STPG2: variants seen among roughly 807,000 people sequenced by gnomAD.
STPG2 encodes sperm tail PG-rich repeat containing 2, also known as sperm-tail PG-rich repeat-containing protein 2.
STPG2 carries 56 observed loss-of-function variants against 54.2 expected under a neutral mutation model. The ratio of observed to expected loss-of-function variants is 1.03; its 90% CI spans 0.83 to 1.29. STPG2 has a LOEUF of 1.29. Among genes scored for constraint, STPG2 ranks in the 50% most tolerant of loss-of-function variants. The pLI, the probability that STPG2 is intolerant of heterozygous loss-of-function variation, is 0.00. For missense variants in STPG2, 596 were observed against 544.9 expected, an observed-to-expected ratio of 1.09 and a Z score of -0.93; for synonymous variants, 200 against 181.8, an observed-to-expected ratio of 1.10 and a Z score of -0.81.
At chr4:97,518,813 C>A (rs1005074635) in intron 4 of STPG2, among the ~76,000 whole-genome samples, 1 of 152,066 alleles carries the variant, frequency 6.6e-6, no homozygotes, top group Non-Finnish European at 1.5e-5. Flanking sequence ...TATTTTGTCA[C>A]ATTAAAACAA....
intron 9 of STPG2, among the ~76,000 whole-genome samples, chr4:97,837,402 T>C: frequency 6.6e-6 from 1 of 151,784 alleles, no homozygotes; most frequent in South Asian, 2.1e-4. Context: ...TTGTTGAGCA[T>C]ACCCCTGCCC....
At chr4:97,474,919 A>G (rs1730033809) in intron 4 of STPG2, among the ~76,000 whole-genome samples, 1 of 152,076 alleles carries the variant, frequency 6.6e-6, no homozygotes, top group Non-Finnish European at 1.5e-5. Context: ...ATTATGTAGT[A>G]TATATAATTC....
intron 9 of STPG2, among the ~76,000 whole-genome samples, chr4:97,741,213 C>T (rs1250772015): frequency 2.0e-5 from 3 of 151,974 alleles, no homozygotes; most frequent in Non-Finnish European, 1.5e-5. Flanking sequence ...AAAATTAATT[C>T]AAGATGGACT....
chr4:98,090,565 C>G (rs1245035105), intron 5 of STPG2, among the ~76,000 whole-genome samples: 1 of 151,608 alleles, frequency 6.6e-6, no homozygotes, highest in Non-Finnish European at 1.5e-5. Context: ...ACATGGATTT[C>G]AGAATTGTTT....
intron 9 of STPG2, among the ~76,000 whole-genome samples, chr4:97,831,014 C>A (rs1241016371): frequency 3.9e-5 from 6 of 152,106 alleles, no homozygotes; most frequent in Admixed American, 3.9e-4. Context: ...AGCTCTGGAC[C>A]AAGTGGACCT....
chr4:97,493,483 T>G (rs975443416), intron 4 of STPG2, among the ~76,000 whole-genome samples: 1 of 151,272 alleles, frequency 6.6e-6, no homozygotes, highest in African/African-American at 2.4e-5. Flanking sequence ...TAGTGGAGTT[T>G]TAAGGGAAGT....
At chr4:97,789,023 T>A (rs1726913228) in intron 9 of STPG2, among the ~76,000 whole-genome samples, 1 of 151,990 alleles carries the variant, frequency 6.6e-6, no homozygotes, top group Non-Finnish European at 1.5e-5. Flanking sequence ...TCTTTTCTAA[T>A]ACAAATGTTA....
In STPG2 at chr4:97,943,885, G is replaced by A. The variant is rs747273101; in HGVS notation, c.1044+12C>T. On this transcript the variant is annotated intron_variant, in intron 8 of 10. Coordinates refer to ENST00000295268, the MANE Select transcript of STPG2 (RefSeq NM_174952.3). Reference sequence around the variant, plus strand: ...AGATAATGAAAATATTTGATTGTAGGAGTATTCTTACCATATCTGGTACTT... The same window carrying A: ...AGATAATGAAAATATTTGATTGTAGAAGTATTCTTACCATATCTGGTACTT... 1 of 1,499,810 alleles carries A rather than the reference G, an allele frequency of 6.7e-7. No individual in the cohort carries two copies. Among genetic ancestry groups the A allele is most frequent in the Non-Finnish European group, 9.0e-7 (1 of 1,116,252 alleles). The allele number at this position is 1,499,810 out of a possible 1,614,324, so 92.9% of individuals were successfully genotyped here.
At chr4:97,448,104 T>C (rs1458804839) in intron 4 of STPG2, among the ~76,000 whole-genome samples, 2 of 152,328 alleles carry the variant, frequency 1.3e-5, no homozygotes, top group South Asian at 2.1e-4. Context: ...ATGGGGCTTA[T>C]AGCCCCTTGG....
intron 9 of STPG2, among the ~76,000 whole-genome samples, chr4:97,719,962 C>T (rs960849124): frequency 3.3e-5 from 5 of 151,882 alleles, no homozygotes; most frequent in Non-Finnish European, 7.4e-5. Context: ...TAACATGAGG[C>T]TGGCAGTATT....
At position 97,919,538 on chromosome 4, in the gene STPG2, T is replaced by C. The variant is rs577394786; in HGVS notation, c.1044+24359A>G. Among the ~76,000 whole-genome samples the C allele has an allele frequency of 6.6e-5, 10 of 152,050 alleles. No individual in the cohort carries two copies. The South Asian group carries it at 2.1e-3, about 32-fold the overall frequency. On this transcript the variant is annotated intron_variant, in intron 8 of 10. Transcript: ENST00000295268. ...TAAACACAAAAAAAAGAAGAGAATGTTATGATTAACTTTAAGCAAATATAT... is the reference window on the plus strand; with the variant it reads ...TAAACACAAAAAAAAGAAGAGAATGCTATGATTAACTTTAAGCAAATATAT...
intron 8 of STPG2, among the ~76,000 whole-genome samples, chr4:97,864,265 T>C (rs1171539263): frequency 6.6e-6 from 1 of 151,698 alleles, no homozygotes; most frequent in Non-Finnish European, 1.5e-5. Context: ...GGATACAAAA[T>C]CAATGTGCAA....
chr4:97,940,454 C>A (rs1387993743), intron 8 of STPG2, among the ~76,000 whole-genome samples: 4 of 152,122 alleles, frequency 2.6e-5, no homozygotes, highest in Non-Finnish European at 5.9e-5. Flanking sequence ...CAGACTTGGC[C>A]TCTTAAAATA....
intron 5 of STPG2, among the ~76,000 whole-genome samples, chr4:98,083,774 T>C (rs575779130): frequency 5.3e-5 from 8 of 152,338 alleles, no homozygotes; most frequent in Non-Finnish European, 7.4e-5. Context: ...ACCATCACCG[T>C]AATGAAGATA....
chr4:97,772,323 T>A (rs1050434179), intron 9 of STPG2, among the ~76,000 whole-genome samples: 1 of 152,212 alleles, frequency 6.6e-6, no homozygotes, highest in African/African-American at 2.4e-5. Flanking sequence ...CAAAATTTAA[T>A]TGTATGTTTA....
At chr4:97,791,240 AACATATAGGAATTGTT>A (rs1420425171) in intron 9 of STPG2, among the ~76,000 whole-genome samples, 2 of 152,174 alleles carry the variant, frequency 1.3e-5, no homozygotes, top group African/African-American at 4.8e-5. Flanking sequence ...GTATAGTTCA[AACATATAGGAATTGTT>A]ACAATCTCTG....
chr4:97,521,075 T>TA (rs906882334), intron 4 of STPG2, among the ~76,000 whole-genome samples: 1 of 152,026 alleles, frequency 6.6e-6, no homozygotes, highest in African/African-American at 2.4e-5. Flanking sequence ...TACATTCTGA[T>TA]AAAAAATACT....
At chr4:98,074,073 T>C (rs1374727896) in intron 5 of STPG2, among the ~76,000 whole-genome samples, 2 of 152,214 alleles carry the variant, frequency 1.3e-5, no homozygotes, top group East Asian at 1.9e-4. Context: ...CAGTTCCCGC[T>C]GAAAACAACT....
chr4:97,840,337 A>G (rs1398934560), intron 9 of STPG2, among the ~76,000 whole-genome samples: 1 of 151,512 alleles, frequency 6.6e-6, no homozygotes, highest in Non-Finnish European at 1.5e-5. Context: ...AGCTTTAGTA[A>G]AACTGGTAAA....
Sources: gnomAD v4.1 joint callset for allele counts (sites outside exome capture counted in the v4.1 genomes callset) on GRCh38, gnomAD v4.1.1 for gene constraint, MANE v1.5 for transcripts, NCBI Gene and HGNC (gene_info 2026-07-23, HGNC 2026-07-21) for gene names.